The following HAO1 variants were observed in gnomAD, a reference collection of about 807,000 sequenced individuals.
HAO1 encodes hydroxyacid oxidase 1.
Under a neutral mutation model 39.7 loss-of-function variants are expected in HAO1, and 34 were observed. The observed-to-expected ratio is 0.86, with a 90% CI of 0.65 to 1.14. The LOEUF (loss-of-function observed/expected upper bound fraction) is 1.14, where lower values mean the gene tolerates loss of function less well. Ranked by LOEUF, HAO1 falls within the 50% of genes most tolerant of loss-of-function variation. The pLI is 0.00. For synonymous variants in HAO1, 172 were observed against 173.2 expected (o/e 0.99, Z 0.05); for missense variants, 479 against 464.5 (o/e 1.03, Z -0.29).
intron 4 of HAO1, among the ~76,000 whole-genome samples, chr20:7,905,846 C>T (rs2050245157): frequency 6.6e-6 from 1 of 152,202 alleles, no homozygotes; most frequent in Non-Finnish European, 1.5e-5. Context: ...AAGCAATGAA[C>T]TCATGACGTT....
At chr20:7,931,335 G>T (rs967188432) in intron 2 of HAO1, among the ~76,000 whole-genome samples, 3 of 152,128 alleles carry the variant, frequency 2.0e-5, no homozygotes, top group Non-Finnish European at 4.4e-5. Context: ...ACTTCTAGGG[G>T]ATCATAATGG....
In HAO1 at chr20:7,885,704, A is replaced by C. The variant is rs752405286; in HGVS notation, c.972+2T>G. 6.2e-7 allele frequency: 1 copy of C among 1,610,274 alleles called. No individual in the cohort carries two copies. The highest frequency in any genetic ancestry group is 8.5e-7 in the Non-Finnish European group (1 of 1,177,466). On this transcript the variant is annotated splice_donor_variant, in intron 6 of 7. Transcript: ENST00000378789. LOFTEE classifies it high-confidence loss of function. Reference sequence around the variant, plus strand: ...TATATATTCATTTCTTTGTCCAGTTACCTGGAAAGCTAAGCCCCAAACGAT... The same window carrying C: ...TATATATTCATTTCTTTGTCCAGTTCCCTGGAAAGCTAAGCCCCAAACGAT...
At chr20:7,934,292 T>A (rs1210197399) in intron 2 of HAO1, among the ~76,000 whole-genome samples, 192 bp downstream of exon 2, 1 of 152,282 alleles carries the variant, frequency 6.6e-6, no homozygotes, top group Non-Finnish European at 1.5e-5. Context: ...AGAGAGGATA[T>A]CTTGCCCAGT....
intron 3 of HAO1, among the ~76,000 whole-genome samples, chr20:7,907,547 A>C (rs2050254232): frequency 6.6e-6 from 1 of 152,070 alleles, no homozygotes; most frequent in Non-Finnish European, 1.5e-5. Context: ...TTCCCTATTA[A>C]CTACTTGCAC....
chr20:7,886,541 T>C (rs971421935), intron 5 of HAO1, among the ~76,000 whole-genome samples: 1 of 152,184 alleles, frequency 6.6e-6, no homozygotes, highest in Non-Finnish European at 1.5e-5. Context: ...CATACTCAGA[T>C]AATAGTGCAA....
intron 5 of HAO1, among the ~76,000 whole-genome samples, chr20:7,889,286 A>G (rs1459892277): frequency 6.6e-6 from 1 of 152,192 alleles, no homozygotes; most frequent in African/African-American, 2.4e-5. Context: ...TTTGCCATTG[A>G]TAATTTTCAC....
chr20:7,937,416 A>G (rs2050417942), intron 1 of HAO1, among the ~76,000 whole-genome samples: 1 of 152,092 alleles, frequency 6.6e-6, no homozygotes, highest in African/African-American at 2.4e-5. Flanking sequence ...TGTGGATACT[A>G]GATAAATTAT....
intron 1 of HAO1, among the ~76,000 whole-genome samples, chr20:7,939,517 TA>T (rs2050430992): frequency 6.6e-6 from 1 of 152,174 alleles, no homozygotes; most frequent in Non-Finnish European, 1.5e-5. Context: ...CGATTGCCTT[TA>T]CTAACAGCCA....
At position 7,915,121 on chromosome 20, in the gene HAO1, A is replaced by C. The variant is rs991401221; in HGVS notation, c.290-702T>G. Among the ~76,000 whole-genome samples the C allele has an allele frequency of 9.7e-4, 146 of 150,180 alleles. 3 individuals are homozygous for C. The highest frequency in any genetic ancestry group is 3.2e-3 in the African/African-American group (133 of 41,318). ...GGTGACAAGAGTGAAACTACATCTC[A>C]AAAAAAAATAATATTATTATGATAA... On this transcript the variant is annotated intron_variant, in intron 2 of 7. Coordinates refer to ENST00000378789, the MANE Select transcript of HAO1 (RefSeq NM_017545.3).
chr20:7,914,052 G>A (rs565974529), intron 3 of HAO1, 112 bp downstream of exon 3: 165 of 1,132,236 alleles, frequency 1.5e-4, no homozygotes, highest in Middle Eastern at 1.4e-3. Flanking sequence ...GATGTGATTA[G>A]CTGAAGATTA....
At chr20:7,935,646 C>T (rs967247025) in intron 1 of HAO1, among the ~76,000 whole-genome samples, 6 of 151,996 alleles carry the variant, frequency 3.9e-5, no homozygotes, top group Non-Finnish European at 7.4e-5. Flanking sequence ...TTTTTGACTC[C>T]GGAAAATTAT....
At chr20:7,895,867 G>A (rs1315844512) in intron 4 of HAO1, among the ~76,000 whole-genome samples, 5 of 152,068 alleles carry the variant, frequency 3.3e-5, no homozygotes, top group Admixed American at 2.6e-4. Context: ...CCAACATGGT[G>A]AAACCCCATC....
intron 2 of HAO1, among the ~76,000 whole-genome samples, chr20:7,926,052 T>C (rs995599187): frequency 8.5e-5 from 13 of 152,254 alleles, no homozygotes; most frequent in African/African-American, 2.9e-4. Context: ...AATACGGATG[T>C]GTGTTTGTGT....
Position 7,914,521 on chromosome 20 carries a change from G to A in HAO1, c.290-102C>T, listed in dbSNP as rs1295996558. Reference sequence around the variant, plus strand: ...GTAAAGACATCTAGAAGGGCAATTTGGCAATATGAAGTCAAATCTCTTAAA... The same window carrying A: ...GTAAAGACATCTAGAAGGGCAATTTAGCAATATGAAGTCAAATCTCTTAAA... On this transcript the variant is annotated intron_variant, in intron 2 of 7. Transcript: ENST00000378789. The A allele has an allele frequency of 2.3e-6, 3 of 1,287,070 alleles. No homozygotes were observed. In the African/African-American group the frequency reaches 4.4e-5, roughly 19 times the overall value. 79.7% of individuals were successfully genotyped at this position (1,287,070 alleles called of 1,614,324 possible). A position where few individuals can be genotyped will look rare whatever the true frequency, so the allele number is the denominator to read the frequency against.
chr20:7,885,873 A>C lies in HAO1; in HGVS notation c.814-9T>G. 1 of 1,611,078 alleles carries C rather than the reference A, an allele frequency of 6.2e-7. No individual in the cohort carries two copies. The highest frequency in any genetic ancestry group is 8.5e-7 in the Non-Finnish European group (1 of 1,177,512). On this transcript the variant is annotated splice_polypyrimidine_tract_variant and intron_variant, in intron 5 of 7. Transcript: ENST00000378789. ...TCTGGCAGAACATCAATCTGGGGAAAGAAAAGTTCAATAATGTGACTCTAT... is the reference window on the plus strand; with the variant it reads ...TCTGGCAGAACATCAATCTGGGGAACGAAAAGTTCAATAATGTGACTCTAT...
In HAO1 at chr20:7,884,073, T is replaced by C. The variant is rs115586568; in HGVS notation, c.1043-410A>G. Among the ~76,000 whole-genome samples the C allele has an allele frequency of 7.5e-3, 1,145 of 152,290 alleles. 11 individuals are homozygous for C. The highest frequency in any genetic ancestry group is 0.026 in the African/African-American group (1,064 of 41,574). On this transcript the variant is annotated intron_variant, in intron 7 of 7. Coordinates refer to ENST00000378789, the MANE Select transcript of HAO1 (RefSeq NM_017545.3). ...ATCTATGGGAACAATCCAGATGATA[T>C]GGATTACAGAAAAGGAAGCCCTCTT...
chr20:7,918,761 G>T (rs1049197623), intron 2 of HAO1, among the ~76,000 whole-genome samples: 1 of 152,142 alleles, frequency 6.6e-6, no homozygotes, highest in Non-Finnish European at 1.5e-5. Context: ...TGCTCATTTT[G>T]GGGTAATACT....
intron 2 of HAO1, among the ~76,000 whole-genome samples, chr20:7,925,404 A>T (rs1457705035): frequency 6.6e-6 from 1 of 152,086 alleles, no homozygotes; most frequent in East Asian, 1.9e-4. Context: ...TTTTTTACTT[A>T]TGAAAATATT....
At chr20:7,903,809 TG>T (rs2050234113) in intron 4 of HAO1, among the ~76,000 whole-genome samples, 1 of 122,556 alleles carries the variant, frequency 8.2e-6, no homozygotes, top group Admixed American at 9.3e-5. Context: ...GCAGTGGTGG[TG>T]GGTGGCAGCA....
Sources: gnomAD v4.1 joint callset for allele counts (sites outside exome capture counted in the v4.1 genomes callset) on GRCh38, gnomAD v4.1.1 for gene constraint, MANE v1.5 for transcripts, NCBI Gene and HGNC (gene_info 2026-07-23, HGNC 2026-07-21) for gene names.